The following ZMYM2 variants were observed in gnomAD, a reference collection of about 807,000 sequenced individuals.
ZMYM2 encodes the protein zinc finger MYM-type containing 2, also known as zinc finger MYM-type protein 2.
Under a neutral mutation model 162.8 loss-of-function variants are expected in ZMYM2, and 56 were observed. The ratio of observed to expected loss-of-function variants is 0.34; its 90% CI spans 0.28 to 0.43. The LOEUF (loss-of-function observed/expected upper bound fraction) is 0.43, where lower values mean the gene tolerates loss of function less well. Among genes scored for constraint, ZMYM2 ranks in the 20% least tolerant of loss-of-function variants. The pLI, the probability that ZMYM2 is intolerant of heterozygous loss-of-function variation, is 1.00. For missense variants in ZMYM2, 1,275 were observed against 1,621.8 expected (o/e 0.79, Z 3.67); for synonymous variants, 510 against 541.6 (o/e 0.94, Z 0.81).
chr13:19,882,551 A>G, the ZMYM2 span, among the ~76,000 whole-genome samples: 1 of 152,148 alleles, frequency 6.6e-6, no homozygotes, highest in East Asian at 1.9e-4. Context: ...GTTTGAGACC[A>G]GCCTGGGCAA....
At chr13:19,902,827 A>G in the ZMYM2 span, among the ~76,000 whole-genome samples, 3 of 152,082 alleles carry the variant, frequency 2.0e-5, no homozygotes, top group South Asian at 2.1e-4. Flanking sequence ...AGCCTGGACA[A>G]CAATAGGGAG....
At chr13:19,943,603 T>C in the ZMYM2 span, among the ~76,000 whole-genome samples, 1 of 152,164 alleles carries the variant, frequency 6.6e-6, no homozygotes, top group Non-Finnish European at 1.5e-5. Context: ...TTTGAAGTCT[T>C]TTTCACCAGG....
chr13:20,054,544 T>G (rs1955632842), intron 14 of ZMYM2, among the ~76,000 whole-genome samples: 1 of 152,224 alleles, frequency 6.6e-6, no homozygotes, highest in Non-Finnish European at 1.5e-5. Context: ...TAGCAAATAC[T>G]CAACAGATGG....
chr13:20,055,181 C>T lies in ZMYM2; in HGVS notation c.2493+2870C>T, dbSNP rs143983875. 5.9e-5 allele frequency among the ~76,000 whole-genome samples: 9 copies of T among 152,202 alleles called. No individual in the cohort carries two copies. In the East Asian group the frequency reaches 1.7e-3, roughly 29 times the overall value. ...TGGTGGATGGTGGTGGTCCTAGAAC[C>T]AGTCCTCCACATATACTGAGAGATA... On this transcript the variant is annotated intron_variant, in intron 14 of 24. Transcript: ENST00000610343.
the ZMYM2 span, among the ~76,000 whole-genome samples, chr13:19,895,032 T>G: frequency 6.9e-6 from 1 of 144,560 alleles, no homozygotes; most frequent in Non-Finnish European, 1.5e-5. Context: ...AGCCGAGATC[T>G]TGCCACTTCA....
chr13:19,915,613 CCCT>C, the ZMYM2 span, among the ~76,000 whole-genome samples: 652 of 152,094 alleles, frequency 4.3e-3, 10 homozygotes, highest in South Asian at 0.041. Context: ...AAGCAATTCT[CCCT>C]CCTCAACCTC....
rs978606474 is a variant in ZMYM2, at chr13:20,063,015, A to G, written c.3037+44A>G. The G allele has an allele frequency of 3.9e-6, 6 of 1,554,026 alleles. No homozygotes were observed. In the Admixed American group the frequency reaches 6.2e-5, roughly 16 times the overall value. ...ACTATGGAATTTAGTTATGGAGTCA[A>G]CTGTGGTTATGATCATTTACCATTT... On this transcript the variant is annotated intron_variant, in intron 18 of 24. Transcript: ENST00000610343.
the ZMYM2 span, among the ~76,000 whole-genome samples, chr13:19,930,599 G>A: frequency 9.3e-5 from 14 of 150,362 alleles, no homozygotes; most frequent in African/African-American, 2.9e-4. Context: ...GTGCAGTGGC[G>A]CGATCTTGGC....
intron 7 of ZMYM2, among the ~76,000 whole-genome samples, chr13:20,020,660 T>C (rs1420948284): frequency 6.6e-6 from 1 of 152,166 alleles, no homozygotes; most frequent in Non-Finnish European, 1.5e-5. Flanking sequence ...TATTGTTTTG[T>C]ATTGTTTTTG....
chr13:20,070,925 TAAGCCA>T (rs1957041673), intron 21 of ZMYM2: 1 of 141,960 alleles, frequency 7.0e-6, no homozygotes, highest in Admixed American at 7.0e-5. Context: ...TTGAGACCAA[TAAGCCA>T]TTGTCTTTTT....
the ZMYM2 span, among the ~76,000 whole-genome samples, chr13:19,921,551 A>C: frequency 3.3e-5 from 5 of 152,120 alleles, no homozygotes; most frequent in African/African-American, 1.2e-4. Flanking sequence ...GAATATACTT[A>C]ATATGCTTTT....
chr13:19,977,153 G>C (rs1370611120), intron 2 of ZMYM2, among the ~76,000 whole-genome samples: 1 of 152,086 alleles, frequency 6.6e-6, no homozygotes, highest in African/African-American at 2.4e-5. Context: ...ATAGTACTCA[G>C]CTATTCTGTA....
the ZMYM2 span, among the ~76,000 whole-genome samples, chr13:19,915,115 C>T: frequency 6.6e-6 from 1 of 152,170 alleles, no homozygotes; most frequent in Admixed American, 6.6e-5. Context: ...GCATGTGCCA[C>T]CATACCTGGC....
chr13:20,045,989 C>T lies in ZMYM2; in HGVS notation c.2293-5444C>T, dbSNP rs139211580. ...GGGTGCAGTGGCTTATGCTTGTAAT[C>T]CCAGCACTTTGGGAGTATGAGGTGG... On this transcript the variant is annotated intron_variant, in intron 12 of 24. Transcript: ENST00000610343. Among the ~76,000 whole-genome samples the T allele has an allele frequency of 2.9e-3, 439 of 151,768 alleles. 1 individual carries two copies. The highest frequency in any genetic ancestry group is 0.01 in the African/African-American group (431 of 41,330).
chr13:19,885,905 A>G, the ZMYM2 span, among the ~76,000 whole-genome samples: 18 of 120,064 alleles, frequency 1.5e-4, 3 homozygotes, highest in South Asian at 8.4e-4. Context: ...ATACACATAT[A>G]TATGTATATA....
chr13:19,894,545 A>G, the ZMYM2 span, among the ~76,000 whole-genome samples: 1 of 151,876 alleles, frequency 6.6e-6, no homozygotes, highest in Non-Finnish European at 1.5e-5. Context: ...GGTTTTCACC[A>G]TGTTAGTCAG....
chr13:20,045,480 T>C (rs1355691259), intron 12 of ZMYM2, among the ~76,000 whole-genome samples: 1 of 152,184 alleles, frequency 6.6e-6, no homozygotes, highest in Non-Finnish European at 1.5e-5. Flanking sequence ...CTCTAAAACG[T>C]GTTTATTTCA....
chr13:20,061,603 T>G (rs1232917106), intron 17 of ZMYM2, among the ~76,000 whole-genome samples: 1 of 152,088 alleles, frequency 6.6e-6, no homozygotes, highest in African/African-American at 2.4e-5. Context: ...TTTGTTTTTT[T>G]TTTTAGATGA....
At chr13:19,887,883 AT>A in the ZMYM2 span, among the ~76,000 whole-genome samples, 6,798 of 142,332 alleles carry the variant, frequency 0.048, 249 homozygotes, top group African/African-American at 0.099. Context: ...CCTTCAAGTA[AT>A]TTTTTTTTTT....
Sources: allele counts gnomAD v4.1 joint callset (sites outside exome capture counted in the v4.1 genomes callset), GRCh38; gene constraint gnomAD v4.1.1; transcripts MANE v1.5; gene names NCBI Gene and HGNC (gene_info 2026-07-23, HGNC 2026-07-21).